The following MDGA2 variants were observed in gnomAD, a reference collection of about 807,000 sequenced individuals.
MDGA2 encodes the protein MAM domain containing glycosylphosphatidylinositol anchor 2.
A neutral mutation model predicts 117.8 loss-of-function variants in MDGA2; 40 were observed. The ratio of observed to expected loss-of-function variants is 0.34; its 90% CI spans 0.26 to 0.44. The LOEUF is 0.44. MDGA2 is among the 20% of genes least tolerant of loss of function. The pLI is 1.00. For synonymous variants in MDGA2, 452 were observed against 439.0 expected, an observed-to-expected ratio of 1.03 and a Z score of -0.37; for missense variants, 1,123 against 1,250.6, an observed-to-expected ratio of 0.90 and a Z score of 1.54.
intron 1 of MDGA2, among the ~76,000 whole-genome samples, chr14:47,354,386 C>A (rs1890947359): frequency 6.6e-6 from 1 of 152,088 alleles, no homozygotes; most frequent in South Asian, 2.1e-4. Context: ...AGAAGCTCAG[C>A]CCCAGAACAA....
intron 6 of MDGA2, among the ~76,000 whole-genome samples, chr14:47,095,127 G>A (rs1216538711): frequency 6.6e-6 from 1 of 151,960 alleles, no homozygotes; most frequent in Non-Finnish European, 1.5e-5. Context: ...GCCCATGGTA[G>A]TTGTGCAGTA....
At chr14:47,192,650 A>G (rs1459636394) in intron 3 of MDGA2, among the ~76,000 whole-genome samples, 1 of 152,086 alleles carries the variant, frequency 6.6e-6, no homozygotes, top group Non-Finnish European at 1.5e-5. Flanking sequence ...AAATAAATAA[A>G]TAAACAAGAT....
intron 2 of MDGA2, among the ~76,000 whole-genome samples, chr14:47,244,465 T>C (rs1033855548): frequency 5.9e-5 from 9 of 151,858 alleles, no homozygotes; most frequent in African/African-American, 1.9e-4. Flanking sequence ...GTATCTAACA[T>C]ATTTTTTTGG....
At chr14:47,197,205 T>C (rs1885318611) in intron 3 of MDGA2, among the ~76,000 whole-genome samples, 2 of 152,208 alleles carry the variant, frequency 1.3e-5, no homozygotes, top group South Asian at 4.1e-4. Flanking sequence ...TGAATGTTTA[T>C]GTTCCCTCAA....
chr14:47,419,642 C>T (rs906243897), intron 1 of MDGA2, among the ~76,000 whole-genome samples: 4 of 151,932 alleles, frequency 2.6e-5, no homozygotes, highest in African/African-American at 9.7e-5. Flanking sequence ...ATAATTCTAG[C>T]ATTAGCTAAA....
intron 1 of MDGA2, among the ~76,000 whole-genome samples, chr14:47,668,786 TC>T (rs1898022941): frequency 6.6e-6 from 1 of 152,194 alleles, no homozygotes; most frequent in African/African-American, 2.4e-5. Context: ...GAAGACCTTA[TC>T]TTATTTAACT....
chr14:47,167,827 T>A (rs1327870425), intron 3 of MDGA2, among the ~76,000 whole-genome samples: 1 of 152,174 alleles, frequency 6.6e-6, no homozygotes, highest in Non-Finnish European at 1.5e-5. Context: ...CTCAATCAGG[T>A]AAAACTTGAG....
chr14:46,926,403 G>A (rs546438213), intron 9 of MDGA2, among the ~76,000 whole-genome samples: 2 of 143,688 alleles, frequency 1.4e-5, no homozygotes, highest in African/African-American at 2.6e-5. Flanking sequence ...GAACTTAAAC[G>A]CCAATGATGC....
chr14:46,877,214 G>A (rs559897267), intron 12 of MDGA2, among the ~76,000 whole-genome samples: 1 of 151,606 alleles, frequency 6.6e-6, no homozygotes, highest in Non-Finnish European at 1.5e-5. Flanking sequence ...TCCCACAGCT[G>A]CAGAAATAGC....
chr14:47,319,859 T>C (rs1889927031), intron 1 of MDGA2, among the ~76,000 whole-genome samples: 1 of 152,250 alleles, frequency 6.6e-6, no homozygotes, highest in African/African-American at 2.4e-5. Flanking sequence ...TAATTCAAAA[T>C]GTGAGTTTAT....
At chr14:47,617,224 G>C (rs1005725927) in intron 1 of MDGA2, among the ~76,000 whole-genome samples, 1 of 115,352 alleles carries the variant, frequency 8.7e-6, no homozygotes, top group African/African-American at 3.5e-5. Flanking sequence ...TTTTTTTTTT[G>C]AGACGGAGGC....
chr14:47,590,470 T>C (rs1041154351), intron 1 of MDGA2, among the ~76,000 whole-genome samples: 1 of 151,824 alleles, frequency 6.6e-6, no homozygotes, highest in Non-Finnish European at 1.5e-5. Flanking sequence ...ATACAGGGCA[T>C]GATTATGAAT....
At chr14:47,638,135 A>G (rs1897356826) in intron 1 of MDGA2, among the ~76,000 whole-genome samples, 1 of 152,204 alleles carries the variant, frequency 6.6e-6, no homozygotes, top group African/African-American at 2.4e-5. Context: ...AAAGGGGTCC[A>G]TGCTAAGTCT....
Position 46,882,138 on chromosome 14 carries a change from T to C in MDGA2, c.2322A>G (p.Thr774=). Residue 774 remains threonine, a synonymous_variant, in exon 11 of 17, where the codon ACA becomes ACG. Coordinates refer to ENST00000399232, the MANE Select transcript of MDGA2 (RefSeq NM_001113498.3). ...QKGELITYNL[T]ELIKPEAYEV... ...CATAAGCTTCTGGTTTAATTAGCTC[T>C]GTCAAGTTATATGTAATTAATTCTC... The C allele has an allele frequency of 6.2e-7, 1 of 1,612,728 alleles. No homozygotes were observed. Among genetic ancestry groups the C allele is most frequent in the South Asian group, 1.1e-5 (1 of 91,016 alleles).
chr14:47,623,414 G>C (rs1342927978), intron 1 of MDGA2, among the ~76,000 whole-genome samples: 2 of 152,188 alleles, frequency 1.3e-5, no homozygotes, highest in African/African-American at 2.4e-5. Flanking sequence ...CAAGGGACTG[G>C]TGGTCTCAAT....
chr14:47,416,291 AAAAAAG>A (rs1043353733), intron 1 of MDGA2, among the ~76,000 whole-genome samples: 3 of 121,070 alleles, frequency 2.5e-5, no homozygotes, highest in African/African-American at 1.1e-4. Context: ...TTCCTCTTCC[AAAAAAG>A]AAAAAGAAAT....
intron 9 of MDGA2, among the ~76,000 whole-genome samples, chr14:46,949,286 A>C (rs1262371352): frequency 6.6e-6 from 1 of 152,046 alleles, no homozygotes; most frequent in Non-Finnish European, 1.5e-5. Context: ...CATCCAGAAG[A>C]GTTCCATGTG....
intron 7 of MDGA2, among the ~76,000 whole-genome samples, chr14:47,057,607 C>T (rs1207606130): frequency 2.8e-5 from 4 of 144,124 alleles, no homozygotes; most frequent in Non-Finnish European, 6.1e-5. Flanking sequence ...TTTCTTCTTT[C>T]CTTTTCTTTC....
intron 1 of MDGA2, among the ~76,000 whole-genome samples, chr14:47,463,931 C>T (rs1188895734): frequency 6.6e-6 from 1 of 151,968 alleles, no homozygotes; most frequent in Non-Finnish European, 1.5e-5. Flanking sequence ...TATTTTACTT[C>T]ATCACAGTAT....
Sources: allele counts gnomAD v4.1 joint callset (sites outside exome capture counted in the v4.1 genomes callset), GRCh38; gene constraint gnomAD v4.1.1; transcripts MANE v1.5; gene names NCBI Gene and HGNC (gene_info 2026-07-23, HGNC 2026-07-21).